SLC30A9: variants seen among roughly 807,000 people sequenced by gnomAD.
The protein encoded by SLC30A9 is solute carrier family 30 member 9.
Under a neutral mutation model 87.5 loss-of-function variants are expected in SLC30A9, and 58 were observed. The observed-to-expected ratio is 0.66, with a 90% CI of 0.54 to 0.82. The LOEUF (loss-of-function observed/expected upper bound fraction) is 0.82, where lower values mean the gene tolerates loss of function less well. SLC30A9 is among the 40% of genes least tolerant of loss of function. SLC30A9 has a pLI of 0.00. For missense variants in SLC30A9, 557 were observed against 679.1 expected (o/e 0.82, Z 2.00); for synonymous variants, 234 against 233.0 (o/e 1.00, Z -0.04).
chr4:42,043,339 T>C (rs571168314), intron 8 of SLC30A9, among the ~76,000 whole-genome samples: 2 of 152,060 alleles, frequency 1.3e-5, no homozygotes, highest in East Asian at 3.9e-4. Context: ...GTAAGAGAAA[T>C]TGCTAACTAG....
At chr4:42,016,314 A>G (rs969083004) in intron 2 of SLC30A9, among the ~76,000 whole-genome samples, 7 of 152,194 alleles carry the variant, frequency 4.6e-5, no homozygotes, top group African/African-American at 9.6e-5. Context: ...TTTGATACAT[A>G]CAAAAGGATA....
chr4:42,008,612 A>G (rs1048294648), intron 2 of SLC30A9, among the ~76,000 whole-genome samples: 1 of 152,190 alleles, frequency 6.6e-6, no homozygotes, highest in African/African-American at 2.4e-5. Flanking sequence ...AAAATCCCCC[A>G]CATGGGTGAG....
At chr4:41,997,750 T>C (rs997581815) in intron 1 of SLC30A9, among the ~76,000 whole-genome samples, 1 of 152,242 alleles carries the variant, frequency 6.6e-6, no homozygotes, top group Non-Finnish European at 1.5e-5. Context: ...TTCTATATTA[T>C]GTATTTTAAA....
intron 7 of SLC30A9, 43 bp from the exon 8 acceptor site, chr4:42,038,943 C>T (rs1716802327): frequency 5.3e-6 from 8 of 1,498,710 alleles, no homozygotes; most frequent in Non-Finnish European, 7.4e-6. Context: ...TGCTTCTCTG[C>T]AAAATTTTGG....
chr4:42,003,536 C>T (rs1715072408), intron 2 of SLC30A9, among the ~76,000 whole-genome samples: 1 of 152,100 alleles, frequency 6.6e-6, no homozygotes, highest in South Asian at 2.1e-4. Flanking sequence ...TTCCCTCTAT[C>T]ATTGTGCAGC....
At chr4:42,006,322 C>T (rs1006314034) in intron 2 of SLC30A9, among the ~76,000 whole-genome samples, 1 of 152,084 alleles carries the variant, frequency 6.6e-6, no homozygotes, top group Non-Finnish European at 1.5e-5. Context: ...ATAGGAGAGG[C>T]ACTTAACTGA....
In SLC30A9 at chr4:42,054,636, G is replaced by T. The variant is rs574867105; in HGVS notation, c.840+5157G>T. Among the ~76,000 whole-genome samples, 12 of 151,886 alleles carry T rather than the reference G, an allele frequency of 7.9e-5. No homozygotes were observed. The South Asian group carries it at 2.5e-3, about 32-fold the overall frequency. On this transcript the variant is annotated intron_variant, in intron 9 of 17. Transcript: ENST00000264451. ...CTCCCGAGTAGCTGGGACTACAGGT[G>T]CCTGCCATCACGCCCAGCTAATTTT...
intron 8 of SLC30A9, 149 bp from the exon 9 acceptor site, chr4:42,049,228 A>G: frequency 2.0e-6 from 1 of 493,408 alleles, no homozygotes; most frequent in South Asian, 3.3e-5. Flanking sequence ...AGCCTCCCAA[A>G]ATGTTGGCAT....
chr4:42,035,275 G>T lies in SLC30A9; in HGVS notation c.611G>T (p.Arg204Met), dbSNP rs142007432. Residue 204 changes from arginine to methionine, a missense_variant and splice_region_variant, in exon 7 of 18, where the codon AGG becomes ATG. Arg to Met is a moderately conservative substitution (Grantham distance 91). Transcript: ENST00000264451. ...RKEAEIEYRE[R>M]LFRNQKILRE... ...TAAATTTATTTTGTTATTCTTACAG[G>T]GCTATTTAGAAACCAAAAAATATTA... The T allele has an allele frequency of 1.8e-5, 28 of 1,596,306 alleles. No homozygotes were observed. The African/African-American group carries it at 3.4e-4, about 19-fold the overall frequency.
At chr4:42,076,408 G>A (rs774883019) in intron 16 of SLC30A9, among the ~76,000 whole-genome samples, 44 of 152,018 alleles carry the variant, frequency 2.9e-4, no homozygotes, top group Non-Finnish European at 1.8e-4. Flanking sequence ...TTTGGTACCT[G>A]TCTTTTCCAT....
intron 16 of SLC30A9, among the ~76,000 whole-genome samples, chr4:42,076,832 C>T (rs1056003734): frequency 5.3e-5 from 8 of 151,824 alleles, no homozygotes; most frequent in Non-Finnish European, 1.0e-4. Flanking sequence ...TGTGGTGGTG[C>T]GTGCCTGTAG....
intron 9 of SLC30A9, among the ~76,000 whole-genome samples, chr4:42,053,267 TA>T (rs1316192858): frequency 6.6e-6 from 1 of 152,212 alleles, no homozygotes; most frequent in Non-Finnish European, 1.5e-5. Context: ...GGTGTATTAC[TA>T]AAATGGTACA....
intron 9 of SLC30A9, among the ~76,000 whole-genome samples, chr4:42,051,898 A>G (rs1165898644): frequency 6.6e-6 from 1 of 151,864 alleles, no homozygotes; most frequent in Admixed American, 6.6e-5. Flanking sequence ...CGAAGTCATT[A>G]TGAGAGGGAA....
At position 42,003,843 on chromosome 4, in the gene SLC30A9, A is replaced by G. The variant is rs75503840; in HGVS notation, c.274+2063A>G. Among the ~76,000 whole-genome samples the G allele has an allele frequency of 2.5e-3, 385 of 152,138 alleles. 1 individual carries two copies. Among genetic ancestry groups the G allele is most frequent in the African/African-American group, 8.9e-3 (369 of 41,532 alleles). The stretch of plus-strand genomic sequence containing the variant: ...TGAAAGTTTTAGACTCTGTGTCTGT[A>G]CTTCAAAGCCTAAAGTTAATTGATA... On this transcript the variant is annotated intron_variant, in intron 2 of 17. Coordinates refer to ENST00000264451, the MANE Select transcript of SLC30A9 (RefSeq NM_006345.4).
chr4:42,041,939 C>T (rs927979741), intron 8 of SLC30A9, among the ~76,000 whole-genome samples: 4 of 152,144 alleles, frequency 2.6e-5, no homozygotes, highest in African/African-American at 7.2e-5. Flanking sequence ...CATTGCCTCA[C>T]CGGGGTAGTG....
intron 6 of SLC30A9, 44 bp from the exon 7 acceptor site, chr4:42,035,231 G>A (rs1373088697): frequency 6.5e-7 from 1 of 1,549,426 alleles, no homozygotes; most frequent in Non-Finnish European, 8.9e-7. Context: ...AACTGTGACT[G>A]GTAAGAATAT....
intron 1 of SLC30A9, among the ~76,000 whole-genome samples, chr4:41,996,525 G>A (rs2153132258): frequency 6.6e-6 from 1 of 151,816 alleles, no homozygotes; most frequent in Middle Eastern, 3.4e-3. Context: ...GATAACTTGA[G>A]TCCAGGAGTT....
At chr4:42,029,991 GTTGTA>G (rs1469406607) in intron 6 of SLC30A9, 17 of 917,152 alleles carry the variant, frequency 1.9e-5, no homozygotes, top group Non-Finnish European at 2.8e-5. Flanking sequence ...GCCTCTGCTT[GTTGTA>G]CAGTTCACCA....
chr4:42,074,773 T>C (rs1009891687), intron 15 of SLC30A9, among the ~76,000 whole-genome samples: 11 of 152,102 alleles, frequency 7.2e-5, no homozygotes, highest in African/African-American at 2.2e-4. Flanking sequence ...ATGTATTAGC[T>C]CATTATTCCT....
Sources: gnomAD v4.1 joint callset for allele counts (sites outside exome capture counted in the v4.1 genomes callset) on GRCh38, gnomAD v4.1.1 for gene constraint, MANE v1.5 for transcripts, NCBI Gene and HGNC (gene_info 2026-07-23, HGNC 2026-07-21) for gene names.